ZNF140: variants seen among roughly 807,000 people sequenced by gnomAD.
ZNF140 encodes the protein zinc finger protein 140 (clone pHZ-39).
In ZNF140, 13 loss-of-function variants were observed where a neutral mutation model predicts 12.9. That is an observed-to-expected ratio of 1.01 (90% CI 0.66 to 1.60). The LOEUF is 1.60. Among genes scored for constraint, ZNF140 ranks in the 40% most tolerant of loss-of-function variants. The pLI is 0.00. For synonymous variants in ZNF140, 214 were observed against 186.7 expected (o/e 1.15, Z -1.19); for missense variants, 531 against 548.8 (o/e 0.97, Z 0.32).
At chr12:133,096,646 G>C (rs114576476) in intron 4 of ZNF140, among the ~76,000 whole-genome samples, 1,893 of 152,240 alleles carry the variant, frequency 0.012, 41 homozygotes, top group African/African-American at 0.043. Flanking sequence ...TTAGAAGTGT[G>C]TTGTTCAATA....
chr12:133,103,050 G>A (rs992958438), intron 4 of ZNF140, among the ~76,000 whole-genome samples: 1 of 151,986 alleles, frequency 6.6e-6, no homozygotes, highest in African/African-American at 2.4e-5. Context: ...CACAATGACT[G>A]TACGTTTATG....
At chr12:133,101,675 C>T (rs1955355256) in intron 4 of ZNF140, among the ~76,000 whole-genome samples, 1 of 152,094 alleles carries the variant, frequency 6.6e-6, no homozygotes, top group Non-Finnish European at 1.5e-5. Context: ...GATCTCCTGA[C>T]CTTGTGATCT....
At chr12:133,093,612 T>C (rs1465458228) in intron 4 of ZNF140, 3 of 623,886 alleles carry the variant, frequency 4.8e-6, no homozygotes, top group Non-Finnish European at 8.6e-6. Flanking sequence ...TTTGTTGTCT[T>C]TCCACCAAAT....
intron 4 of ZNF140, among the ~76,000 whole-genome samples, chr12:133,089,249 G>A (rs1180391076): frequency 6.6e-6 from 1 of 150,920 alleles, no homozygotes; most frequent in African/African-American, 2.4e-5. Flanking sequence ...GTCTCACTCT[G>A]TTGTCAAGGC....
intron 4 of ZNF140, among the ~76,000 whole-genome samples, chr12:133,102,750 T>A (rs977649074): frequency 7.3e-6 from 1 of 136,736 alleles, no homozygotes; most frequent in African/African-American, 2.7e-5. Context: ...CTCCGTTTCT[T>A]AAAAAAAAAA....
At chr12:133,102,750 TAA>T (rs150988045) in intron 4 of ZNF140, among the ~76,000 whole-genome samples, 11 of 136,710 alleles carry the variant, frequency 8.0e-5, no homozygotes, top group Non-Finnish European at 9.5e-5. Flanking sequence ...CTCCGTTTCT[TAA>T]AAAAAAAAAA....
chr12:133,096,474 G>A (rs1008580607), intron 4 of ZNF140, among the ~76,000 whole-genome samples: 15 of 151,866 alleles, frequency 9.9e-5, no homozygotes, highest in Non-Finnish European at 1.5e-4. Flanking sequence ...TCTCTTTTCC[G>A]TACAATTTAC....
intron 4 of ZNF140, among the ~76,000 whole-genome samples, chr12:133,102,769 A>G (rs1313150762): frequency 1.3e-5 from 2 of 151,750 alleles, no homozygotes; most frequent in Admixed American, 6.6e-5. Context: ...AAAAAAGAAA[A>G]AAGAAACCTT....
At chr12:133,089,386 G>C (rs1359434259) in intron 4 of ZNF140, among the ~76,000 whole-genome samples, 2 of 151,764 alleles carry the variant, frequency 1.3e-5, no homozygotes, top group Non-Finnish European at 2.9e-5. Flanking sequence ...GCTCATTTTT[G>C]TATTTTTTGC....
rs1955583877 is a variant in ZNF140, at chr12:133,106,135, A to G, written c.858A>G (p.Ser286=). ...GTGGTAAAGCATTTAGCAGTGGCTC[A>G]GAACTCATTCGCCACCAGATTACAC... ...RKCGKAFSSG[S]ELIRHQITHT... is the part of the protein sequence containing the mutation. Residue 286 remains serine (S), a synonymous_variant, in exon 5 of 5, where the codon TCA becomes TCG. Transcript: ENST00000355557. 6.2e-7 allele frequency: 1 copy of G among 1,614,176 alleles called. No individual in the cohort carries two copies. Among genetic ancestry groups the G allele is most frequent in the Non-Finnish European group, 8.5e-7 (1 of 1,180,018 alleles).
chr12:133,100,767 G>T (rs1028259195), intron 4 of ZNF140, among the ~76,000 whole-genome samples: 30 of 152,158 alleles, frequency 2.0e-4, no homozygotes, highest in African/African-American at 6.5e-4. Context: ...ATAAGGGTCA[G>T]TTGAACACAA....
intron 4 of ZNF140, among the ~76,000 whole-genome samples, chr12:133,092,323 CAG>C (rs1467081992): frequency 6.6e-6 from 1 of 151,092 alleles, no homozygotes. Flanking sequence ...CCCTCACTAA[CAG>C]AATACGATGC....
chr12:133,088,075 A>G (rs1954734133), intron 4 of ZNF140, among the ~76,000 whole-genome samples: 2 of 150,774 alleles, frequency 1.3e-5, no homozygotes, highest in African/African-American at 4.9e-5. Context: ...GGGTGCAGTA[A>G]GTTGAGATCA....
Position 133,088,126 on chromosome 12 carries a change from TAAAAAAAAAAAAGAAAGA to T in ZNF140, c.232+4570_232+4587del, listed in dbSNP as rs1177681225. 4.5e-4 allele frequency among the ~76,000 whole-genome samples: 62 copies of T among 137,772 alleles called. No homozygotes were observed. The East Asian group carries it at 0.012, about 26-fold the overall frequency. 90.4% of individuals were successfully genotyped at this position (137,772 alleles called of 152,430 possible). ...GCCTGGGCGACAGCAAGACTCTGTCTAAAAAAAAAAAAGAAAGAAAAAGGAAGGAAGAAAGAAGGGAGG... is the reference window on the plus strand; with the variant it reads ...GCCTGGGCGACAGCAAGACTCTGTCTAAAAGGAAGGAAGAAAGAAGGGAGG... On this transcript the variant is annotated intron_variant, in intron 4 of 4. Coordinates refer to ENST00000355557, the MANE Select transcript of ZNF140 (RefSeq NM_003440.4).
chr12:133,093,276 G>A (rs1954953780), intron 4 of ZNF140: 2 of 577,108 alleles, frequency 3.5e-6, no homozygotes, highest in Non-Finnish European at 6.2e-6. Context: ...ATTAAGGGTG[G>A]GAAAGGCACA....
chr12:133,104,545 G>A (rs1341323743), intron 4 of ZNF140, among the ~76,000 whole-genome samples: 4 of 152,030 alleles, frequency 2.6e-5, no homozygotes, highest in Admixed American at 2.0e-4. Flanking sequence ...TAGAGACGGG[G>A]TTTCACTGTG....
At chr12:133,097,605 T>G (rs1184529834) in intron 4 of ZNF140, among the ~76,000 whole-genome samples, 1 of 149,996 alleles carries the variant, frequency 6.7e-6, no homozygotes, top group African/African-American at 2.5e-5. Flanking sequence ...ATCACACCAC[T>G]GCACTCCAGC....
At chr12:133,094,966 C>T (rs1955016273) in intron 4 of ZNF140, among the ~76,000 whole-genome samples, 1 of 151,360 alleles carries the variant, frequency 6.6e-6, no homozygotes, top group Non-Finnish European at 1.5e-5. Context: ...ACTTTCTGTT[C>T]CTTTCTTGAA....
At chr12:133,104,646 C>T (rs1162072310) in intron 4 of ZNF140, among the ~76,000 whole-genome samples, 11 of 152,050 alleles carry the variant, frequency 7.2e-5, no homozygotes, top group Non-Finnish European at 1.3e-4. Context: ...CCACTGCGCC[C>T]GGCCAAGAGT....
Sources: gnomAD v4.1 joint callset for allele counts (sites outside exome capture counted in the v4.1 genomes callset) on GRCh38, gnomAD v4.1.1 for gene constraint, MANE v1.5 for transcripts, NCBI Gene and HGNC (gene_info 2026-07-23, HGNC 2026-07-21) for gene names.